The following GREB1L variants were observed in gnomAD, a reference collection of about 807,000 sequenced individuals.
GREB1L encodes GREB1 like retinoic acid receptor coactivator.
GREB1L carries 17 observed loss-of-function variants against 200.8 expected under a neutral mutation model. The observed-to-expected ratio is 0.08, with a 90% confidence interval of 0.06 to 0.13. The LOEUF is 0.13. Ranked by LOEUF, GREB1L falls within the 10% of genes least tolerant of loss-of-function variation. The probability of loss-of-function intolerance (pLI) is 1.00; values close to 1 mark genes in which losing one functional copy is unlikely to be tolerated. For missense variants in GREB1L, 1,657 were observed against 2,367.7 expected, an observed-to-expected ratio of 0.70 and a Z score of 6.23; for synonymous variants, 789 against 893.0, an observed-to-expected ratio of 0.88 and a Z score of 2.08.
chr18:21,469,677 CA>C (rs2035405372), intron 15 of GREB1L, among the ~76,000 whole-genome samples: 1 of 152,174 alleles, frequency 6.6e-6, no homozygotes, highest in African/African-American at 2.4e-5. Context: ...CCCATGAATG[CA>C]CACATATACC....
At chr18:21,291,272 T>C (rs1598634445) in intron 1 of GREB1L, among the ~76,000 whole-genome samples, 1 of 152,194 alleles carries the variant, frequency 6.6e-6, no homozygotes, top group Non-Finnish European at 1.5e-5. Flanking sequence ...CCTGGAGTGC[T>C]GTCCCGCCCT....
In GREB1L at chr18:21,515,641, A is replaced by G; in HGVS notation, c.5126A>G (p.Asn1709Ser). Residue 1709 changes from asparagine to serine, a missense_variant, in exon 29 of 33, where the codon AAC (asparagine) becomes AGC (serine). Transcript: ENST00000424526. ...DLTQNVQYDF[N>S]RYFCEDADFN... is the part of the protein sequence containing the mutation. ...ACTCAGAATGTGCAGTATGACTTCA[A>G]CAGGTAAGTCAGGCCTCATGGATGC... The G allele has an allele frequency of 6.5e-7, 1 of 1,548,100 alleles. No individual in the cohort carries two copies. The highest frequency in any genetic ancestry group is 1.7e-4 in the Middle Eastern group (1 of 5,970).
At chr18:21,491,939 TAC>T (rs1412737783) in intron 19 of GREB1L, among the ~76,000 whole-genome samples, 1 of 152,170 alleles carries the variant, frequency 6.6e-6, no homozygotes, top group East Asian at 1.9e-4. Flanking sequence ...AGTCATAGAC[TAC>T]ATTACAGTGG....
At chr18:21,363,760 G>A (rs2039616453) in intron 1 of GREB1L, 1 of 152,168 alleles carries the variant, frequency 6.6e-6, no homozygotes, top group African/African-American at 2.4e-5. Flanking sequence ...CTGAGCAATA[G>A]AGGAAGAGAG....
rs72881368 is a variant in GREB1L at position 21,377,350 on chromosome 18, G to A, written c.-9-6160G>A. 8.1e-3 allele frequency among the ~76,000 whole-genome samples: 1,234 copies of A among 152,172 alleles called. 9 individuals carry two copies. Among genetic ancestry groups the A allele is most frequent in the Non-Finnish European group, 0.012 (837 of 68,010 alleles). On this transcript the variant is annotated intron_variant, in intron 2 of 32. Coordinates refer to ENST00000424526, the MANE Select transcript of GREB1L (RefSeq NM_001142966.3). ...AATTCTCCTTTTCCTTTTGAAAATG[G>A]AAAAAAGTAGTAATGCACTCTGAGG...
chr18:21,453,351 A>G (rs1568024109), intron 14 of GREB1L, among the ~76,000 whole-genome samples: 1 of 152,218 alleles, frequency 6.6e-6, no homozygotes, highest in Admixed American at 6.5e-5. Flanking sequence ...GTCAGTATCC[A>G]TGGTAACTGG....
chr18:21,455,057 C>CTT (rs1353614082), intron 15 of GREB1L: 2 of 153,002 alleles, frequency 1.3e-5, no homozygotes, highest in African/African-American at 4.9e-5. Context: ...TTTCTAATAA[C>CTT]TTTAAGTGTA....
At chr18:21,254,062 T>TA (rs1327140274) in intron 1 of GREB1L, among the ~76,000 whole-genome samples, 1 of 99,214 alleles carries the variant, frequency 1.0e-5, no homozygotes, top group Non-Finnish European at 1.8e-5. Flanking sequence ...TTCAGGCATA[T>TA]TTTTTTTTTT....
At position 21,477,247 on chromosome 18, in the gene GREB1L, C is replaced by T. The variant is rs2035738772; in HGVS notation, c.2447C>T (p.Ala816Val). 6.4e-7 allele frequency: 1 copy of T among 1,551,898 alleles called. No homozygotes were observed. Among genetic ancestry groups the T allele is most frequent in the African/African-American group, 1.4e-5 (1 of 73,156 alleles). ...ATTAATTGCAGAGAAGTTCTGGAAGCTTTCAACCTCCTGGTGCTCCAGGTC... is the reference window on the plus strand; with the variant it reads ...ATTAATTGCAGAGAAGTTCTGGAAGTTTTCAACCTCCTGGTGCTCCAGGTC... Reference protein sequence around the residue: ...RVINCREVLEAFNLLVLQVSS... With the variant: ...RVINCREVLEVFNLLVLQVSS... The change falls in exon 17 of 33, where the codon GCT (alanine) becomes GTT (valine). Residue 816 changes from alanine (A) to valine (V), a missense_variant. Around this residue, in one of 9 missense-constraint regions of GREB1L, gnomAD observed 239 missense variants for 421.8 expected, o/e 0.57. Transcript: ENST00000424526.
intron 7 of GREB1L, among the ~76,000 whole-genome samples, chr18:21,428,579 G>A (rs186893631): frequency 6.7e-6 from 1 of 148,854 alleles, no homozygotes; most frequent in Admixed American, 6.7e-5. Flanking sequence ...ATTTTCATAT[G>A]TTAAGCCAAC....
intron 1 of GREB1L, among the ~76,000 whole-genome samples, chr18:21,281,766 A>G (rs1365918429): frequency 6.6e-6 from 1 of 152,170 alleles, no homozygotes; most frequent in Non-Finnish European, 1.5e-5. Context: ...CATGAGGGAT[A>G]TTTTTGAGGT....
intron 1 of GREB1L, among the ~76,000 whole-genome samples, chr18:21,345,070 G>A (rs2039325197): frequency 6.6e-6 from 1 of 152,152 alleles, no homozygotes; most frequent in Non-Finnish European, 1.5e-5. Flanking sequence ...AATCCCTGAA[G>A]AGTCCCATTA....
intron 17 of GREB1L, among the ~76,000 whole-genome samples, chr18:21,479,035 C>T (rs1331931587): frequency 2.0e-5 from 3 of 152,082 alleles, no homozygotes; most frequent in African/African-American, 7.2e-5. Context: ...GTGCTCGCCA[C>T]CTTGCCTGGT....
intron 1 of GREB1L, among the ~76,000 whole-genome samples, chr18:21,340,203 G>T (rs2039247505): frequency 6.6e-6 from 1 of 152,096 alleles, no homozygotes; most frequent in Admixed American, 6.5e-5. Flanking sequence ...AGATCATAAG[G>T]TCAGGAGATC....
chr18:21,447,440 C>T (rs143097944), intron 11 of GREB1L, among the ~76,000 whole-genome samples: 46 of 152,316 alleles, frequency 3.0e-4, no homozygotes, highest in African/African-American at 1.1e-3. Flanking sequence ...AATTGTACAT[C>T]AGTCAAAACT....
intron 1 of GREB1L, among the ~76,000 whole-genome samples, chr18:21,294,884 A>G (rs73959829): frequency 0.023 from 3,535 of 152,138 alleles, 129 homozygotes; most frequent in African/African-American, 0.081. Flanking sequence ...TTAGAGATCA[A>G]TCTCTTCACA....
chr18:21,412,847 C>CG (rs1187921645), intron 7 of GREB1L, among the ~76,000 whole-genome samples: 1 of 152,098 alleles, frequency 6.6e-6, no homozygotes, highest in African/African-American at 2.4e-5. Context: ...TACCACCCCC[C>CG]CCCACCACCA....
intron 13 of GREB1L, chr18:21,451,386 G>C: frequency 3.2e-6 from 1 of 316,820 alleles, no homozygotes; most frequent in Non-Finnish European, 5.8e-6. Context: ...ACCTTGTTGA[G>C]TGACCTTGGG....
At chr18:21,498,477 G>T (rs529878192) in intron 21 of GREB1L, among the ~76,000 whole-genome samples, 132 of 152,330 alleles carry the variant, frequency 8.7e-4, no homozygotes, top group African/African-American at 3.1e-3. Flanking sequence ...TTCACAGAAG[G>T]GGGGTGGGGG....
Sources: allele counts gnomAD v4.1 joint callset (sites outside exome capture counted in the v4.1 genomes callset), GRCh38; gene constraint gnomAD v4.1.1; regional missense constraint gnomAD v4.1.1; transcripts MANE v1.5; gene names NCBI Gene and HGNC (gene_info 2026-07-23, HGNC 2026-07-21).